The following CTTNBP2 variants were observed in gnomAD, a reference collection of about 807,000 sequenced individuals.
The protein encoded by CTTNBP2 is cortactin-binding protein 2.
A neutral mutation model predicts 156.9 loss-of-function variants in CTTNBP2; 108 were observed. The ratio of observed to expected loss-of-function variants is 0.69; its 90% CI spans 0.59 to 0.81. CTTNBP2 has a LOEUF of 0.81. CTTNBP2 is among the 30% of genes least tolerant of loss of function. The probability of loss-of-function intolerance (pLI) is 0.00; values close to 1 mark genes in which losing one functional copy is unlikely to be tolerated. For synonymous variants in CTTNBP2, 767 were observed against 751.8 expected (o/e 1.02, Z -0.33); for missense variants, 1,924 against 2,035.4 (o/e 0.95, Z 1.05).
At position 117,760,577 on chromosome 7, in the gene CTTNBP2, T is replaced by A. The variant is rs778671455; in HGVS notation, c.3030A>T (p.Ser1010=). Residue 1010 remains serine, a synonymous_variant, in exon 10 of 23, where the codon TCA becomes TCT. Transcript: ENST00000160373. ...TTGTCAGAGCTTGACTCACTGCTTT[T>A]GAAAAATCATCCCATGATGTCTGTT... The part of the protein sequence containing the change: ...IRKQTSWDDF[S]KAVSQALTNH... 2 of 1,614,170 alleles carry A rather than the reference T, an allele frequency of 1.2e-6. No individual in the cohort carries two copies. Among genetic ancestry groups the A allele is most frequent in the Non-Finnish European group, 1.7e-6 (2 of 1,180,012 alleles).
chr7:117,862,176 T>C lies in CTTNBP2; in HGVS notation c.82-860A>G, dbSNP rs1432511139. ...AGGTGGGTTTGGAACCCCTGCTGTT[T>C]GGTTATCAAAGTGACTTCTTATGAA... On this transcript the variant is annotated intron_variant, in intron 1 of 22. Transcript: ENST00000160373. 2.0e-5 allele frequency among the ~76,000 whole-genome samples: 3 copies of C among 152,186 alleles called. No homozygotes were observed. In the East Asian group the frequency reaches 5.8e-4, roughly 29 times the overall value.
chr7:117,728,723 C>T lies in CTTNBP2; in HGVS notation c.3877-456G>A, dbSNP rs1222990134. Among the ~76,000 whole-genome samples the T allele has an allele frequency of 4.6e-5, 7 of 152,144 alleles. No homozygotes were observed. The South Asian group carries it at 1.2e-3, about 27-fold the overall frequency. On this transcript the variant is annotated intron_variant, in intron 16 of 22. Coordinates refer to ENST00000160373, the MANE Select transcript of CTTNBP2 (RefSeq NM_033427.3). The stretch of plus-strand genomic sequence containing the variant: ...GCTGACTAACATATCCATCCCTTTA[C>T]ATACTTATTTTTATTTAAGATCTAC...
chr7:117,813,346 C>A lies in CTTNBP2; in HGVS notation c.190-2357G>T, dbSNP rs190699852. 9.9e-4 allele frequency among the ~76,000 whole-genome samples: 150 copies of A among 152,222 alleles called. 1 individual carries two copies. Among genetic ancestry groups the A allele is most frequent in the Admixed American group, 5.6e-3 (85 of 15,288 alleles). On this transcript the variant is annotated intron_variant, in intron 2 of 22. Transcript: ENST00000160373. ...TTTTGTTCAAAATTATTAAGCATTT[C>A]AATATGGCAACAGCACAGCATTTAA...
intron 14 of CTTNBP2, among the ~76,000 whole-genome samples, 155 bp downstream of exon 14, chr7:117,745,676 T>C (rs545909889): frequency 1.3e-5 from 2 of 152,276 alleles, no homozygotes; most frequent in Admixed American, 1.3e-4. Context: ...AATATACACA[T>C]GAAGATAATT....
rs758771137 is a variant in CTTNBP2 at position 117,724,345 on chromosome 7, C to T, written c.4447+202G>A. The stretch of plus-strand genomic sequence containing the variant: ...TAATTTTGGAATTCTGGTTTGAAAG[C>T]GGTATTTTTCAGGTAGAGATCTCCT... On this transcript the variant is annotated intron_variant, in intron 19 of 22. Coordinates refer to ENST00000160373, the MANE Select transcript of CTTNBP2 (RefSeq NM_033427.3). Among the ~76,000 whole-genome samples the T allele has an allele frequency of 4.6e-5, 7 of 152,066 alleles. No homozygotes were observed. In the South Asian group the frequency reaches 8.3e-4, roughly 18 times the overall value.
chr7:117,835,203 C>CT (rs1289458108), intron 2 of CTTNBP2, among the ~76,000 whole-genome samples: 2 of 152,206 alleles, frequency 1.3e-5, no homozygotes, highest in Non-Finnish European at 2.9e-5. Flanking sequence ...GAATGAGTCT[C>CT]TCTCTGAGCC....
chr7:117,828,800 T>C (rs1156880964), intron 2 of CTTNBP2, among the ~76,000 whole-genome samples: 4 of 152,244 alleles, frequency 2.6e-5, no homozygotes, highest in Non-Finnish European at 4.4e-5. Context: ...GTCTTCCTTA[T>C]TATGTTGGGC....
chr7:117,755,089 A>G (rs1232448011), intron 12 of CTTNBP2, among the ~76,000 whole-genome samples: 2 of 152,198 alleles, frequency 1.3e-5, no homozygotes, highest in Admixed American at 6.5e-5. Flanking sequence ...CCTTCACTTA[A>G]GCCAAGTAAT....
At position 117,735,301 on chromosome 7, in the gene CTTNBP2, C is replaced by T. The variant is rs369088478; in HGVS notation, c.3656G>A (p.Arg1219His). Residue 1219 changes from arginine to histidine, a missense_variant, in exon 15 of 23, where the codon CGC becomes CAC. Arg to His is a conservative substitution (Grantham distance 29, BLOSUM62 0). Transcript: ENST00000160373. ...GAAAGTGCAGGGGCTTTCAGTGCTG[C>T]GATTTTCAAGAGGTGCCAAAAAGTC... ...LRDFLAPLEN[R>H]STESPCTFQK... 17 of 1,613,856 alleles carry T rather than the reference C, an allele frequency of 1.1e-5. No homozygotes were observed. The highest frequency in any genetic ancestry group is 5.3e-5 in the African/African-American group (4 of 74,886).
intron 3 of CTTNBP2, among the ~76,000 whole-genome samples, chr7:117,794,488 G>C (rs1799206083): frequency 6.6e-6 from 1 of 152,134 alleles, no homozygotes; most frequent in Admixed American, 6.5e-5. Flanking sequence ...ACTTATTTGA[G>C]TCAAATTTTT....
intron 2 of CTTNBP2, among the ~76,000 whole-genome samples, chr7:117,847,975 C>A (rs1243225774): frequency 4.0e-5 from 6 of 151,826 alleles, no homozygotes; most frequent in Non-Finnish European, 8.8e-5. Flanking sequence ...TGTGCTGCCA[C>A]GCCCAGCTAA....
intron 2 of CTTNBP2, 64 bp from the exon 3 acceptor site, chr7:117,811,053 A>G: frequency 7.8e-7 from 1 of 1,286,884 alleles, no homozygotes; most frequent in South Asian, 1.3e-5. Flanking sequence ...GATATTTATA[A>G]GAAGGTTTTG....
intron 1 of CTTNBP2, among the ~76,000 whole-genome samples, chr7:117,868,961 A>T (rs1217786245): frequency 6.6e-6 from 1 of 152,094 alleles, no homozygotes; most frequent in Non-Finnish European, 1.5e-5. Flanking sequence ...TCCTGTTTCC[A>T]AACTTCCCCA....
intron 2 of CTTNBP2, among the ~76,000 whole-genome samples, chr7:117,821,239 G>A (rs528994251): frequency 4.2e-4 from 64 of 151,922 alleles, no homozygotes; most frequent in African/African-American, 1.4e-3. Context: ...AGGATTTCCA[G>A]CACTACCTTG....
intron 2 of CTTNBP2, among the ~76,000 whole-genome samples, chr7:117,820,296 C>G (rs1343321502): frequency 1.3e-5 from 2 of 152,216 alleles, no homozygotes; most frequent in Non-Finnish European, 2.9e-5. Context: ...CTGTCAATAA[C>G]TGGAGCACAG....
At chr7:117,789,687 T>C (rs532826888) in intron 4 of CTTNBP2, among the ~76,000 whole-genome samples, 3 of 152,320 alleles carry the variant, frequency 2.0e-5, no homozygotes, top group East Asian at 3.9e-4. Context: ...AACAATATCA[T>C]TGAAGCAGTA....
chr7:117,828,890 T>A (rs1014378146), intron 2 of CTTNBP2, among the ~76,000 whole-genome samples: 2 of 152,212 alleles, frequency 1.3e-5, no homozygotes, highest in African/African-American at 4.8e-5. Flanking sequence ...AATGTAAACA[T>A]GTGTTACACA....
At chr7:117,776,624 T>C (rs756785228) in intron 8 of CTTNBP2, among the ~76,000 whole-genome samples, 8 of 152,170 alleles carry the variant, frequency 5.3e-5, no homozygotes, top group Non-Finnish European at 1.0e-4. Context: ...GAATTTAACT[T>C]TCCTTGCAAA....
chr7:117,773,064 A>G (rs903846477), intron 8 of CTTNBP2, among the ~76,000 whole-genome samples: 3 of 152,262 alleles, frequency 2.0e-5, no homozygotes, highest in Non-Finnish European at 2.9e-5. Context: ...AAGCATTACA[A>G]TAGAGTTCAA....
Sources: allele counts gnomAD v4.1 joint callset (sites outside exome capture counted in the v4.1 genomes callset), GRCh38; gene constraint gnomAD v4.1.1; transcripts MANE v1.5; gene names NCBI Gene and HGNC (gene_info 2026-07-23, HGNC 2026-07-21).